The following GRIK4 variants were observed in gnomAD, a reference collection of about 807,000 sequenced individuals.
GRIK4 encodes glutamate ionotropic receptor kainate type subunit 4, also known as glutamate receptor ionotropic, kainate 4.
A neutral mutation model predicts 104.9 loss-of-function variants in GRIK4; 40 were observed. That is an observed-to-expected ratio of 0.38 (90% CI 0.30 to 0.50). GRIK4 has a LOEUF of 0.50. GRIK4 is among the 20% of genes least tolerant of loss of function. GRIK4 has a pLI of 0.93. For synonymous variants in GRIK4, 485 were observed against 524.9 expected (o/e 0.92, Z 1.04); for missense variants, 1,047 against 1,308.1 (o/e 0.80, Z 3.08).
intron 8 of GRIK4, among the ~76,000 whole-genome samples, chr11:120,847,861 C>G (rs1429952389): frequency 6.6e-6 from 1 of 152,182 alleles, no homozygotes; most frequent in Non-Finnish European, 1.5e-5. Flanking sequence ...CCAGGGATTA[C>G]CACTTGGATA....
At chr11:120,676,986 C>T (rs1231234326) in intron 3 of GRIK4, among the ~76,000 whole-genome samples, 2 of 152,332 alleles carry the variant, frequency 1.3e-5, no homozygotes, top group East Asian at 3.9e-4. Flanking sequence ...TAGCTCGATC[C>T]TTGGCCCAAG....
Position 120,896,100 on chromosome 11 carries a change from A to G in GRIK4, c.1165-2432A>G, listed in dbSNP as rs777551639. Among the ~76,000 whole-genome samples the G allele has an allele frequency of 8.0e-3, 1,221 of 152,322 alleles. 9 individuals are homozygous for G. The highest frequency in any genetic ancestry group is 0.027 in the Middle Eastern group (8 of 294). On this transcript the variant is annotated intron_variant, in intron 11 of 20. Transcript: ENST00000527524. ...GGCCCAGAGCAAGGGCACAAGCATAAGTATAAGACCAGCACCTGCTGTCCT... is the reference window on the plus strand; with the variant it reads ...GGCCCAGAGCAAGGGCACAAGCATAGGTATAAGACCAGCACCTGCTGTCCT...
At position 120,815,407 on chromosome 11, in the gene GRIK4, G is replaced by A. The variant is rs201218411; in HGVS notation, c.277G>A (p.Ala93Thr). The A allele has an allele frequency of 4.0e-5, 62 of 1,550,004 alleles. No homozygotes were observed. The African/African-American group carries it at 4.9e-4, about 12-fold the overall frequency. The change falls in exon 5 of 21, where the codon GCT becomes ACT. Residue 93 changes from alanine to threonine, a missense_variant. Ala to Thr is a moderately conservative substitution (Grantham distance 58). Coordinates refer to ENST00000527524, the MANE Select transcript of GRIK4 (RefSeq NM_014619.5). ...TCAGATCCTCCCCAAGGGGGTGGTC[G>A]CTGTCCTCGGACCATCGTCCAGCCC... ...MCQILPKGVV[A>T]VLGPSSSPAS...
At chr11:120,717,140 C>T (rs537744829) in intron 3 of GRIK4, among the ~76,000 whole-genome samples, 13 of 152,296 alleles carry the variant, frequency 8.5e-5, no homozygotes, top group African/African-American at 3.1e-4. Context: ...AAATGGAGGC[C>T]AGGTGCCCTG....
At chr11:120,696,771 T>C (rs1184904540) in intron 3 of GRIK4, among the ~76,000 whole-genome samples, 2 of 152,054 alleles carry the variant, frequency 1.3e-5, no homozygotes, top group Non-Finnish European at 2.9e-5. Context: ...TCCCTCAACA[T>C]GGTACCATTG....
intron 3 of GRIK4, among the ~76,000 whole-genome samples, chr11:120,746,911 A>G (rs999688944): frequency 6.6e-6 from 1 of 152,184 alleles, no homozygotes; most frequent in African/African-American, 2.4e-5. Flanking sequence ...GTTGAAGACT[A>G]TGGAGTTGGA....
At chr11:120,658,959 A>G (rs1055906529) in intron 2 of GRIK4, among the ~76,000 whole-genome samples, 2 of 152,014 alleles carry the variant, frequency 1.3e-5, no homozygotes, top group African/African-American at 4.8e-5. Context: ...CCTGTTAGCC[A>G]GGATGGTCTT....
intron 7 of GRIK4, among the ~76,000 whole-genome samples, chr11:120,835,614 A>G (rs1953555785): frequency 6.6e-6 from 1 of 152,196 alleles, no homozygotes; most frequent in Non-Finnish European, 1.5e-5. Context: ...GGAAAAATGT[A>G]ATCATCCTTG....
chr11:120,599,950 A>G (rs1383180206), intron 1 of GRIK4, among the ~76,000 whole-genome samples: 1 of 152,226 alleles, frequency 6.6e-6, no homozygotes, highest in African/African-American at 2.4e-5. Flanking sequence ...ATGTTTGAAC[A>G]TTAGAGGCTG....
intron 8 of GRIK4, among the ~76,000 whole-genome samples, chr11:120,856,632 TTGG>T (rs1954111634): frequency 6.6e-6 from 1 of 152,126 alleles, no homozygotes; most frequent in African/African-American, 2.4e-5. Context: ...AATGCCCTTA[TTGG>T]TTAGGAAGGC....
rs748477504 is a variant in GRIK4, at chr11:120,523,680, G to A, written c.-159+11793G>A. ...CAGCTGAACCTGGGCTTTGTGGTTC[G>A]GTGTTGCCCGGGTCTGCCTTCGTCT... On this transcript the variant is annotated intron_variant, in intron 1 of 20. Coordinates refer to ENST00000527524, the MANE Select transcript of GRIK4 (RefSeq NM_014619.5). Among the ~76,000 whole-genome samples the A allele has an allele frequency of 6.6e-5, 10 of 152,160 alleles. No homozygotes were observed. The East Asian group carries it at 7.7e-4, about 12-fold the overall frequency.
intron 3 of GRIK4, among the ~76,000 whole-genome samples, chr11:120,667,904 G>GA (rs1383351423): frequency 1.3e-5 from 2 of 152,186 alleles, no homozygotes; most frequent in Non-Finnish European, 2.9e-5. Flanking sequence ...GAGGTCTCTG[G>GA]AATTGAGACT....
chr11:120,930,946 A>G (rs767276988), intron 13 of GRIK4, among the ~76,000 whole-genome samples: 21 of 152,188 alleles, frequency 1.4e-4, no homozygotes, highest in Middle Eastern at 3.2e-3. Flanking sequence ...GAGGACAGGT[A>G]TAGTTGCTGT....
At chr11:120,722,341 G>A (rs552585943) in intron 3 of GRIK4, among the ~76,000 whole-genome samples, 2 of 152,276 alleles carry the variant, frequency 1.3e-5, no homozygotes, top group East Asian at 1.9e-4. Flanking sequence ...TTTTGGGGCC[G>A]GGCGCAGTGG....
intron 3 of GRIK4, among the ~76,000 whole-genome samples, chr11:120,719,558 A>G (rs956817039): frequency 2.6e-5 from 4 of 152,216 alleles, no homozygotes; most frequent in Non-Finnish European, 4.4e-5. Flanking sequence ...TCTGAGATAC[A>G]GCCTGTGAGT....
intron 13 of GRIK4, among the ~76,000 whole-genome samples, chr11:120,930,818 G>A (rs1324426364): frequency 6.6e-6 from 1 of 152,208 alleles, no homozygotes; most frequent in Non-Finnish European, 1.5e-5. Context: ...GGGAGGGGCA[G>A]TGTCTGGGAG....
chr11:120,894,374 G>A (rs930344566), intron 11 of GRIK4: 3 of 152,322 alleles, frequency 2.0e-5, no homozygotes, highest in Admixed American at 6.5e-5. Context: ...CCAACTTTGC[G>A]TTGCTGGTTC....
At chr11:120,603,890 G>A (rs750665825) in intron 1 of GRIK4, among the ~76,000 whole-genome samples, 10 of 149,506 alleles carry the variant, frequency 6.7e-5, no homozygotes, top group Non-Finnish European at 1.2e-4. Context: ...CTAGCCCCTG[G>A]CCGGGTGCGG....
intron 18 of GRIK4, among the ~76,000 whole-genome samples, chr11:120,964,427 T>A (rs1944348733): frequency 6.6e-6 from 1 of 152,194 alleles, no homozygotes; most frequent in African/African-American, 2.4e-5. Flanking sequence ...CTCTGGGTAC[T>A]CAGAAACCTG....
Sources: allele counts gnomAD v4.1 joint callset (sites outside exome capture counted in the v4.1 genomes callset), GRCh38; gene constraint gnomAD v4.1.1; transcripts MANE v1.5; gene names NCBI Gene and HGNC (gene_info 2026-07-23, HGNC 2026-07-21).